MECOM: variants seen among roughly 807,000 people sequenced by gnomAD.
MECOM encodes the protein histone-lysine N-methyltransferase MECOM.
MECOM carries 13 observed loss-of-function variants against 116.3 expected under a neutral mutation model. The observed-to-expected ratio is 0.11, with a 90% CI of 0.07 to 0.18. MECOM has a LOEUF of 0.18. Among genes scored for constraint, MECOM ranks in the 10% least tolerant of loss-of-function variants. MECOM has a pLI of 1.00. For missense variants in MECOM, 1,299 were observed against 1,509.0 expected (o/e 0.86, Z 2.31); for synonymous variants, 528 against 535.2 (o/e 0.99, Z 0.19).
chr3:169,425,402 G>A (rs556845056), intron 1 of MECOM, among the ~76,000 whole-genome samples: 19 of 152,260 alleles, frequency 1.2e-4, no homozygotes, highest in Admixed American at 3.3e-4. Context: ...TATGGTCATA[G>A]TTGTTGATAC....
chr3:169,564,967 A>T (rs147693562), intron 1 of MECOM, among the ~76,000 whole-genome samples: 99 of 152,354 alleles, frequency 6.5e-4, no homozygotes, highest in African/African-American at 2.3e-3. Flanking sequence ...ATGGTACAGG[A>T]GAACAGGTGC....
intron 1 of MECOM, among the ~76,000 whole-genome samples, chr3:169,523,898 T>C (rs954389256): frequency 1.3e-5 from 2 of 149,420 alleles, no homozygotes; most frequent in African/African-American, 4.9e-5. Context: ...CACATATACA[T>C]ACCTGTATAT....
chr3:169,131,256 A>C lies in MECOM; in HGVS notation c.613+173T>G, dbSNP rs200363815. 6.6e-5 allele frequency among the ~76,000 whole-genome samples: 10 copies of C among 152,334 alleles called. No homozygotes were observed. The East Asian group carries it at 1.9e-3, about 29-fold the overall frequency. Reference sequence around the variant, plus strand: ...CTCTGCTTACTTCAGCTTCACTGTAATAGTGGCCAGATGTCAAACCAAGAA... The same window carrying C: ...CTCTGCTTACTTCAGCTTCACTGTACTAGTGGCCAGATGTCAAACCAAGAA... On this transcript the variant is annotated intron_variant, in intron 4 of 16. Transcript: ENST00000651503.
intron 1 of MECOM, among the ~76,000 whole-genome samples, chr3:169,560,029 T>C (rs1450928075): frequency 6.6e-6 from 1 of 152,174 alleles, no homozygotes; most frequent in Non-Finnish European, 1.5e-5. Context: ...ATAAAAGCCC[T>C]ACCAAGCAGT....
At chr3:169,491,387 T>G (rs1218066313) in intron 1 of MECOM, among the ~76,000 whole-genome samples, 1 of 152,114 alleles carries the variant, frequency 6.6e-6, no homozygotes, top group East Asian at 1.9e-4. Flanking sequence ...TCTAGGTTGG[T>G]GATTTGCAGA....
chr3:169,385,218 G>A (rs1339098938), intron 1 of MECOM, among the ~76,000 whole-genome samples: 1 of 151,884 alleles, frequency 6.6e-6, no homozygotes, highest in Non-Finnish European at 1.5e-5. Context: ...TAATCTAAGC[G>A]AGTGCATTTA....
At chr3:169,529,769 T>C (rs960507132) in intron 1 of MECOM, among the ~76,000 whole-genome samples, 11 of 152,158 alleles carry the variant, frequency 7.2e-5, no homozygotes, top group African/African-American at 2.4e-4. Flanking sequence ...AGCAAGTAAA[T>C]AGATTCCCTG....
At chr3:169,498,624 G>C (rs1430089107) in intron 1 of MECOM, among the ~76,000 whole-genome samples, 1 of 152,178 alleles carries the variant, frequency 6.6e-6, no homozygotes, top group Non-Finnish European at 1.5e-5. Flanking sequence ...ACAAGACCTG[G>C]TGGAGTTGAG....
intron 3 of MECOM, chr3:169,133,481 A>G (rs1401115201): frequency 6.5e-6 from 1 of 152,672 alleles, no homozygotes; most frequent in Non-Finnish European, 1.5e-5. Flanking sequence ...TTTCCTGTCA[A>G]AATAAAATAA....
At chr3:169,578,755 C>T (rs991899611) in intron 1 of MECOM, among the ~76,000 whole-genome samples, 1 of 152,208 alleles carries the variant, frequency 6.6e-6, no homozygotes, top group Non-Finnish European at 1.5e-5. Context: ...GAATTAATTA[C>T]AAGCGTACAC....
At chr3:169,335,769 A>G (rs898354079) in intron 2 of MECOM, among the ~76,000 whole-genome samples, 1 of 152,132 alleles carries the variant, frequency 6.6e-6, no homozygotes, top group African/African-American at 2.4e-5. Flanking sequence ...GAAAAGTTTA[A>G]CAGTCAGTTT....
At chr3:169,536,481 C>A (rs910890842) in intron 1 of MECOM, among the ~76,000 whole-genome samples, 3 of 150,998 alleles carry the variant, frequency 2.0e-5, no homozygotes, top group African/African-American at 7.3e-5. Context: ...ACAAGCAGAC[C>A]CTGAGACTGA....
At chr3:169,124,278 T>C (rs1448629442) in intron 5 of MECOM, among the ~76,000 whole-genome samples, 1 of 152,032 alleles carries the variant, frequency 6.6e-6, no homozygotes, top group Non-Finnish European at 1.5e-5. Flanking sequence ...CACAATGATA[T>C]AAACAGCAGA....
chr3:169,626,483 C>T (rs1225659533), intron 1 of MECOM, among the ~76,000 whole-genome samples: 1 of 150,892 alleles, frequency 6.6e-6, no homozygotes. Context: ...TGTAACTATT[C>T]CTCTCTCTCT....
chr3:169,430,015 A>G (rs1741350878), intron 1 of MECOM, among the ~76,000 whole-genome samples: 1 of 152,206 alleles, frequency 6.6e-6, no homozygotes, highest in Non-Finnish European at 1.5e-5. Flanking sequence ...AACTTTGAAA[A>G]ATGATTAAGA....
chr3:169,183,453 CT>C (rs1276390553), intron 2 of MECOM, among the ~76,000 whole-genome samples: 1 of 152,164 alleles, frequency 6.6e-6, no homozygotes, highest in Non-Finnish European at 1.5e-5. Flanking sequence ...AGATTTCCCC[CT>C]TCTTACCCAA....
chr3:169,539,625 C>T (rs762345572), intron 1 of MECOM, among the ~76,000 whole-genome samples: 5 of 152,214 alleles, frequency 3.3e-5, no homozygotes, highest in African/African-American at 1.2e-4. Flanking sequence ...TTTCCACTAT[C>T]CCCAGTGCAA....
At chr3:169,150,210 C>G (rs773882893) in intron 2 of MECOM, among the ~76,000 whole-genome samples, 1 of 152,116 alleles carries the variant, frequency 6.6e-6, no homozygotes. Flanking sequence ...ATTTAGAAGA[C>G]CTGATCCATC....
intron 1 of MECOM, among the ~76,000 whole-genome samples, chr3:169,422,719 C>T (rs770747198): frequency 6.6e-6 from 1 of 152,072 alleles, no homozygotes. Flanking sequence ...CTACCCAGAT[C>T]CCCTGAATCA....
Sources: allele counts gnomAD v4.1 joint callset (sites outside exome capture counted in the v4.1 genomes callset), GRCh38; gene constraint gnomAD v4.1.1; transcripts MANE v1.5; gene names NCBI Gene and HGNC (gene_info 2026-07-23, HGNC 2026-07-21).